KMT2C: variants seen among roughly 807,000 people sequenced by gnomAD.
KMT2C encodes lysine methyltransferase 2C, also known as histone-lysine N-methyltransferase 2C.
A neutral mutation model predicts 507.9 loss-of-function variants in KMT2C; 88 were observed. The observed-to-expected ratio is 0.17, with a 90% CI of 0.15 to 0.21. The LOEUF (loss-of-function observed/expected upper bound fraction) is 0.21. Among genes scored for constraint, KMT2C ranks in the 10% least tolerant of loss-of-function variants. The pLI is 1.00. For synonymous variants in KMT2C, 2,049 were observed against 2,080.8 expected, an observed-to-expected ratio of 0.98 and a Z score of 0.42; for missense variants, 4,954 against 5,957.8, an observed-to-expected ratio of 0.83 and a Z score of 5.55.
chr7:152,339,468 T>C (rs1231759069), intron 2 of KMT2C, among the ~76,000 whole-genome samples: 2 of 152,232 alleles, frequency 1.3e-5, no homozygotes, highest in African/African-American at 4.8e-5. Flanking sequence ...AATTCACTGC[T>C]AGATTTTATA....
intron 34 of KMT2C, 27 bp from the exon 35 acceptor site, chr7:152,183,183 T>C (rs1326448187): frequency 4.0e-6 from 6 of 1,485,900 alleles, no homozygotes; most frequent in Non-Finnish European, 5.4e-6. Flanking sequence ...GAAAAAAATT[T>C]CCCAGATTAT....
chr7:152,150,487 G>A (rs778927351), intron 51 of KMT2C, among the ~76,000 whole-genome samples: 6 of 151,914 alleles, frequency 3.9e-5, no homozygotes, highest in Non-Finnish European at 5.9e-5. Context: ...GTGGTGGCAC[G>A]CACCTGTAAT....
intron 1 of KMT2C, among the ~76,000 whole-genome samples, chr7:152,408,917 G>A (rs2097651550): frequency 6.6e-6 from 1 of 151,260 alleles, no homozygotes; most frequent in Admixed American, 6.6e-5. Flanking sequence ...TGAACATAAT[G>A]AAGTTAATTC....
intron 23 of KMT2C, among the ~76,000 whole-genome samples, chr7:152,211,194 TAGAAACTAAAAGA>T (rs1198199320): frequency 3.5e-4 from 53 of 152,296 alleles, no homozygotes; most frequent in African/African-American, 1.3e-3. Context: ...CTTCATATAC[TAGAAACTAAAAGA>T]CAGTGGATCA....
chr7:152,312,201 G>A (rs2096678643), intron 4 of KMT2C: 1 of 271,764 alleles, frequency 3.7e-6, no homozygotes, highest in Admixed American at 5.1e-5. Flanking sequence ...TTGTAAATTT[G>A]TTTTTCCATT....
At chr7:152,398,810 C>T (rs931896726) in intron 1 of KMT2C, among the ~76,000 whole-genome samples, 45 of 152,190 alleles carry the variant, frequency 3.0e-4, no homozygotes, top group African/African-American at 9.6e-4. Context: ...CTGTAAAAGG[C>T]TTAACACACA....
chr7:152,398,247 C>T (rs753895317), intron 1 of KMT2C, among the ~76,000 whole-genome samples: 2 of 152,136 alleles, frequency 1.3e-5, no homozygotes, highest in Non-Finnish European at 2.9e-5. Context: ...TCTGGTTCAC[C>T]ACTGAATCCT....
intron 1 of KMT2C, among the ~76,000 whole-genome samples, chr7:152,419,400 A>G (rs1231067917): frequency 1.8e-4 from 27 of 152,216 alleles, no homozygotes; most frequent in Admixed American, 1.8e-3. Flanking sequence ...AACAACATCA[A>G]AAACAATGAA....
chr7:152,219,480 G>A (rs1482598895), intron 23 of KMT2C, among the ~76,000 whole-genome samples: 2 of 151,790 alleles, frequency 1.3e-5, no homozygotes, highest in African/African-American at 4.8e-5. Flanking sequence ...CTGCAGTGGC[G>A]CATGCCTATA....
chr7:152,253,594 T>C (rs2095598869), intron 9 of KMT2C, among the ~76,000 whole-genome samples: 1 of 150,198 alleles, frequency 6.7e-6, no homozygotes, highest in South Asian at 2.1e-4. Flanking sequence ...CTTGGGAAGC[T>C]GAGGCAGGAG....
chr7:152,160,950 A>G (rs1656293759), intron 43 of KMT2C, among the ~76,000 whole-genome samples: 1 of 152,180 alleles, frequency 6.6e-6, no homozygotes, highest in African/African-American at 2.4e-5. Flanking sequence ...AAGATGACTC[A>G]AGAACTGCAT....
intron 33 of KMT2C, among the ~76,000 whole-genome samples, chr7:152,186,254 C>G (rs1272315698): frequency 6.6e-6 from 1 of 152,180 alleles, no homozygotes; most frequent in Non-Finnish European, 1.5e-5. Context: ...ACAGCTTTAA[C>G]ACAGTATTTC....
chr7:152,252,595 AACACTTCCC>A lies in KMT2C; in HGVS notation c.1411_1419del (p.Gly471_Cys473del), dbSNP rs777629158. On this transcript the variant is annotated inframe_deletion, in exon 10 of 59. Transcript: ENST00000262189. The stretch of plus-strand genomic sequence containing the variant: ...ATGTCTTTCTGCAATTCTGGATGAT[AACACTTCCC>A]ACAGAAGGGACATAAGTTATCCTGC... The A allele has an allele frequency of 2.5e-6, 4 of 1,613,674 alleles. No homozygotes were observed. In the East Asian group the frequency reaches 8.9e-5, roughly 36 times the overall value.
intron 23 of KMT2C, 88 bp downstream of exon 23, chr7:152,220,435 C>G: frequency 1.9e-6 from 2 of 1,028,876 alleles, no homozygotes; most frequent in African/African-American, 3.2e-5. Context: ...GTGATTTACC[C>G]TTTGGTAAAT....
At chr7:152,282,672 T>A (rs2096240291) in intron 6 of KMT2C, among the ~76,000 whole-genome samples, 1 of 152,078 alleles carries the variant, frequency 6.6e-6, no homozygotes, top group South Asian at 2.1e-4. Flanking sequence ...ATAGTGCATG[T>A]CTTTGGGGAG....
At chr7:152,375,806 T>C (rs2097324991) in intron 1 of KMT2C, among the ~76,000 whole-genome samples, 1 of 152,104 alleles carries the variant, frequency 6.6e-6, no homozygotes, top group African/African-American at 2.4e-5. Context: ...GTGATAGTGA[T>C]CTACGATCAG....
chr7:152,178,357 T>C (rs1410042889), intron 37 of KMT2C, among the ~76,000 whole-genome samples: 1 of 152,156 alleles, frequency 6.6e-6, no homozygotes, highest in Non-Finnish European at 1.5e-5. Context: ...GAGTTTCTTT[T>C]ATCTATATTT....
chr7:152,346,921 TA>T (rs1214891681), intron 2 of KMT2C, among the ~76,000 whole-genome samples: 20 of 152,092 alleles, frequency 1.3e-4, no homozygotes, highest in African/African-American at 1.9e-4. Flanking sequence ...GGTCAGGAGA[TA>T]AGAGACCATC....
intron 2 of KMT2C, among the ~76,000 whole-genome samples, chr7:152,346,790 C>T (rs1012977624): frequency 1.3e-5 from 2 of 152,144 alleles, no homozygotes; most frequent in East Asian, 1.9e-4. Context: ...TATTATATAC[C>T]GTATTCTTAC....
Sources: gnomAD v4.1 joint callset for allele counts (sites outside exome capture counted in the v4.1 genomes callset) on GRCh38, gnomAD v4.1.1 for gene constraint, MANE v1.5 for transcripts, NCBI Gene and HGNC (gene_info 2026-07-23, HGNC 2026-07-21) for gene names.